The following NMRAL1 variants were observed in gnomAD, a reference collection of about 807,000 sequenced individuals.
The protein encoded by NMRAL1 is NmrA like redox sensor 1, also known as nmrA-like family domain-containing protein 1.
NMRAL1 carries 32 observed loss-of-function variants against 27.5 expected under a neutral mutation model. The ratio of observed to expected loss-of-function variants is 1.16; its 90% CI spans 0.88 to 1.56. The LOEUF is 1.56. NMRAL1 is among the 40% of genes most tolerant of loss of function. The probability of loss-of-function intolerance (pLI) is 0.00; values close to 1 mark genes in which losing one functional copy is unlikely to be tolerated. For synonymous variants in NMRAL1, 166 were observed against 166.8 expected, an observed-to-expected ratio of 1.00 and a Z score of 0.04; for missense variants, 420 against 392.0, an observed-to-expected ratio of 1.07 and a Z score of -0.60.
upstream of NMRAL1, chr16:4,476,220 G>A (rs553697889): frequency 6.6e-6 from 1 of 152,434 alleles, no homozygotes; most frequent in South Asian, 2.1e-4. Context: ...TGTTCCTGCC[G>A]AAGCACGCCT....
chr16:4,471,730 T>C (rs1210597385), intron 2 of NMRAL1, among the ~76,000 whole-genome samples: 1 of 152,026 alleles, frequency 6.6e-6, no homozygotes, highest in Non-Finnish European at 1.5e-5. Context: ...TGCTTTAGTA[T>C]GGAAGGGCGG....
intron 4 of NMRAL1, among the ~76,000 whole-genome samples, chr16:4,465,258 C>A (rs1278628376): frequency 6.6e-6 from 1 of 152,160 alleles, no homozygotes; most frequent in African/African-American, 2.4e-5. Flanking sequence ...GCTACTGTTA[C>A]CACCAGACTT....
In NMRAL1 at chr16:4,466,409, G is replaced by A; in HGVS notation, c.280-7C>T. On this transcript the variant is annotated splice_polypyrimidine_tract_variant and splice_region_variant and intron_variant, in intron 3 of 5. Transcript: ENST00000283429. ...GATCAGCGAGCAGCTTCCCCTGGAGGGCAGGGAAGGAGAGATCACAAGGCT... is the reference window on the plus strand; with the variant it reads ...GATCAGCGAGCAGCTTCCCCTGGAGAGCAGGGAAGGAGAGATCACAAGGCT... The A allele has an allele frequency of 6.2e-7, 1 of 1,610,856 alleles. No individual in the cohort carries two copies. Among genetic ancestry groups the A allele is most frequent in the Non-Finnish European group, 8.5e-7 (1 of 1,179,074 alleles).
intron 5 of NMRAL1, 129 bp from the exon 6 acceptor site, chr16:4,462,088 C>A (rs2057135186): frequency 1.4e-6 from 1 of 726,428 alleles, no homozygotes; most frequent in Admixed American, 2.6e-5. Flanking sequence ...CGGTCCCTGA[C>A]CCAGGTCCTC....
At chr16:4,463,567 C>T in intron 5 of NMRAL1, 93 bp downstream of exon 5, 1 of 1,046,314 alleles carries the variant, frequency 9.6e-7, no homozygotes, top group Non-Finnish European at 1.4e-6. Context: ...AGATGTACTG[C>T]CCAGAGGTGT....
chr16:4,468,835 TACCTGGGTGACAGGTCCAGTCAC>T (rs2057432621), intron 3 of NMRAL1, among the ~76,000 whole-genome samples: 1 of 151,936 alleles, frequency 6.6e-6, no homozygotes, highest in Non-Finnish European at 1.5e-5. Context: ...CTGTGCCCAC[TACCTGGGTGACAGGTCCAGTCAC>T]ACCCCAGACC....
At chr16:4,464,060 C>T in intron 4 of NMRAL1, 1 of 548,094 alleles carries the variant, frequency 1.8e-6, no homozygotes, top group Non-Finnish European at 3.2e-6. Flanking sequence ...CCGGGTACTG[C>T]CACCTAGGGC....
intron 2 of NMRAL1, among the ~76,000 whole-genome samples, chr16:4,473,206 C>T (rs1224676581): frequency 1.3e-5 from 2 of 151,938 alleles, no homozygotes; most frequent in East Asian, 3.9e-4. Context: ...TCAGCTCAAG[C>T]GATCTGCCCA....
intron 5 of NMRAL1, among the ~76,000 whole-genome samples, chr16:4,462,771 C>T (rs1263127441): frequency 6.6e-6 from 1 of 152,088 alleles, no homozygotes; most frequent in African/African-American, 2.4e-5. Context: ...TAATTGCCCG[C>T]CTCAGCCTCC....
chr16:4,466,487 C>A (rs754612316), intron 3 of NMRAL1, 85 bp from the exon 4 acceptor site: 2 of 1,415,316 alleles, frequency 1.4e-6, no homozygotes, highest in Non-Finnish European at 1.9e-6. Flanking sequence ...AATCCCGGAG[C>A]GGCCACCATC....
chr16:4,464,315 C>A, intron 4 of NMRAL1: 1 of 165,280 alleles, frequency 6.1e-6, no homozygotes. Flanking sequence ...GTAGATACTC[C>A]AAATACCAAC....
chr16:4,471,296 C>T (rs947778323), intron 2 of NMRAL1: 1 of 151,982 alleles, frequency 6.6e-6, no homozygotes, highest in Non-Finnish European at 1.5e-5. Context: ...CACAGGCATG[C>T]GCATCGGTCA....
intron 4 of NMRAL1, among the ~76,000 whole-genome samples, chr16:4,465,592 G>T (rs1017157326): frequency 2.6e-5 from 4 of 152,106 alleles, no homozygotes; most frequent in Non-Finnish European, 4.4e-5. Context: ...TTGAGACGGA[G>T]TGTTGCTCTT....
At chr16:4,474,214 G>T (rs544442509) in intron 1 of NMRAL1, 48 bp from the exon 2 acceptor site, 2 of 1,428,620 alleles carry the variant, frequency 1.4e-6, no homozygotes, top group South Asian at 1.2e-5. Context: ...CGGGGTTCCC[G>T]CCAGGAGCGA....
chr16:4,470,717 G>A (rs2057529408), intron 2 of NMRAL1, among the ~76,000 whole-genome samples: 2 of 152,024 alleles, frequency 1.3e-5, no homozygotes, highest in African/African-American at 4.8e-5. Flanking sequence ...GGAGGCCGAG[G>A]CGGGCGGATC....
At chr16:4,472,245 C>T (rs1400064796) in intron 2 of NMRAL1, among the ~76,000 whole-genome samples, 1 of 152,116 alleles carries the variant, frequency 6.6e-6, no homozygotes, top group African/African-American at 2.4e-5. Flanking sequence ...AGTTCGAGAC[C>T]AGCCTGACCA....
rs747521507 is a variant in NMRAL1, at chr16:4,469,672, C to T, written c.41-207G>A. The stretch of plus-strand genomic sequence containing the variant: ...TCACCCAGGCTGAAGTGCAGTGGCA[C>T]GATCTTGGCTTGGTGAAACCCCGCC... On this transcript the variant is annotated intron_variant, in intron 2 of 5. Coordinates refer to ENST00000283429, the MANE Select transcript of NMRAL1 (RefSeq NM_020677.6). The T allele has an allele frequency of 1.5e-5, 16 of 1,084,418 alleles. 1 individual carries two copies. The highest frequency in any genetic ancestry group is 3.5e-5 in the South Asian group (2 of 57,480). 67.2% of individuals were successfully genotyped at this position (1,084,418 alleles called of 1,614,324 possible). A position where few individuals can be genotyped will look rare whatever the true frequency, so the allele number is the denominator to read the frequency against.
chr16:4,470,552 G>A (rs2057522435), intron 2 of NMRAL1, among the ~76,000 whole-genome samples: 1 of 152,018 alleles, frequency 6.6e-6, no homozygotes, highest in African/African-American at 2.4e-5. Context: ...TGGGTGCAGT[G>A]GCTGTAATCC....
intron 2 of NMRAL1, among the ~76,000 whole-genome samples, chr16:4,470,926 G>C (rs987227243): frequency 6.2e-5 from 9 of 146,092 alleles, no homozygotes; most frequent in African/African-American, 2.3e-4. Context: ...CAGCCTGGAC[G>C]ACAGAGCAAG....
Sources: allele counts gnomAD v4.1 joint callset (sites outside exome capture counted in the v4.1 genomes callset), GRCh38; gene constraint gnomAD v4.1.1; transcripts MANE v1.5; gene names NCBI Gene and HGNC (gene_info 2026-07-23, HGNC 2026-07-21).